RPS6KL1: variants seen among roughly 807,000 people sequenced by gnomAD.
The protein encoded by RPS6KL1 is ribosomal protein S6 kinase like 1, also known as ribosomal protein S6 kinase-like 1.
In RPS6KL1, 41 loss-of-function variants were observed where a neutral mutation model predicts 57.0. The observed-to-expected ratio is 0.72, with a 90% CI of 0.56 to 0.93. The LOEUF (loss-of-function observed/expected upper bound fraction) is 0.93. RPS6KL1 is among the 40% of genes least tolerant of loss of function. The probability of loss-of-function intolerance (pLI) is 0.00; values close to 1 mark genes in which losing one functional copy is unlikely to be tolerated. For missense variants in RPS6KL1, 697 were observed against 727.7 expected (o/e 0.96, Z 0.49); for synonymous variants, 287 against 309.7 (o/e 0.93, Z 0.77).
In RPS6KL1 at chr14:74,922,427, C is replaced by A; in HGVS notation, c.-470G>T. On this transcript the variant is annotated 5_prime_UTR_variant, in exon 2 of 12. Transcript: ENST00000557413. ...TTGGTCCTGAGGTCAGTGTGGTCAGCGAGTGAGGACCCCTCCTGGAGCCAG... is the reference window on the plus strand; with the variant it reads ...TTGGTCCTGAGGTCAGTGTGGTCAGAGAGTGAGGACCCCTCCTGGAGCCAG... 1 of 798,556 alleles carries A rather than the reference C, an allele frequency of 1.3e-6. No individual in the cohort carries two copies. The highest frequency in any genetic ancestry group is 1.5e-6 in the Non-Finnish European group (1 of 658,618). The allele number at this position is 798,556 out of a possible 1,614,324, so 49.5% of individuals were successfully genotyped here. A position where few individuals can be genotyped will look rare whatever the true frequency, so the allele number is the denominator to read the frequency against.
rs370558370 is a variant in RPS6KL1 at position 74,907,460 on chromosome 14, C to T, written c.1514G>A (p.Arg505His). 1.5e-5 allele frequency: 24 copies of T among 1,585,880 alleles called. No individual in the cohort carries two copies. The highest frequency in any genetic ancestry group is 8.1e-5 in the African/African-American group (6 of 74,454). The change falls in exon 11 of 12, where the codon CGC becomes CAC. Residue 505 changes from arginine (R) to histidine (H), a missense_variant. Coordinates refer to ENST00000557413, the MANE Select transcript of RPS6KL1 (RefSeq NM_031464.5). ...TQLQLPEWLSRPAASLLTELL... is the reference protein window; with the variant it reads ...TQLQLPEWLSHPAASLLTELL... ...CTCAGTCAGCAGAGAGGCCGCTGGG[C>T]GACTGAGCCACTCGGGCAGCTGGAG... is the stretch of plus-strand genomic sequence containing the variant.
intron 4 of RPS6KL1, 68 bp downstream of exon 4, chr14:74,919,777 G>C (rs1396029315): frequency 4.5e-6 from 7 of 1,563,004 alleles, no homozygotes; most frequent in Non-Finnish European, 6.1e-6. Flanking sequence ...GTGGGTGTCG[G>C]GGCCTCCGCA....
At position 74,906,420 on chromosome 14, in the gene RPS6KL1, G is replaced by C; in HGVS notation, c.*594C>G. 1 of 351,996 alleles carries C rather than the reference G, an allele frequency of 2.8e-6. No individual in the cohort carries two copies. The highest frequency in any genetic ancestry group is 5.8e-6 in the Non-Finnish European group (1 of 172,350). 21.8% of individuals were successfully genotyped at this position (351,996 alleles called of 1,614,324 possible). A position where few individuals can be genotyped will look rare whatever the true frequency, so the allele number is the denominator to read the frequency against. On this transcript the variant is annotated 3_prime_UTR_variant, in exon 12 of 12. Transcript: ENST00000557413. ...TCAGGAATCGGGGGTGGGGGGGTGGGGGTGGGGGTCATCCTGTCCCCTACC... is the reference window on the plus strand; with the variant it reads ...TCAGGAATCGGGGGTGGGGGGGTGGCGGTGGGGGTCATCCTGTCCCCTACC...
Position 74,921,496 on chromosome 14 carries a change from G to T in RPS6KL1, c.46C>A (p.Pro16Thr). 2 of 1,614,074 alleles carry T rather than the reference G, an allele frequency of 1.2e-6. No individual in the cohort carries two copies. Among genetic ancestry groups the T allele is most frequent in the Non-Finnish European group, 1.7e-6 (2 of 1,179,992 alleles). ...CECLPSPGLE[P>T]EPCSRARSQA... ...GACCGTGCTCGTGAGCAAGGCTCAGGCTCCAGGCCGGGGCTGGGCAGGCAC... is the reference window on the plus strand; with the variant it reads ...GACCGTGCTCGTGAGCAAGGCTCAGTCTCCAGGCCGGGGCTGGGCAGGCAC... The change falls in exon 3 of 12, where the codon CCT (proline) becomes ACT (threonine). Residue 16 changes from proline to threonine, a missense_variant. Coordinates refer to ENST00000557413, the MANE Select transcript of RPS6KL1 (RefSeq NM_031464.5).
intron 5 of RPS6KL1, among the ~76,000 whole-genome samples, chr14:74,915,938 G>A (rs548273860): frequency 1.5e-4 from 23 of 152,288 alleles, no homozygotes; most frequent in African/African-American, 4.6e-4. Context: ...GCAAATACCC[G>A]GTGATGTCTC....
In RPS6KL1 at chr14:74,911,314, T is replaced by G; in HGVS notation, c.598A>C (p.Met200Leu). Residue 200 changes from methionine to leucine, a missense_variant, in exon 7 of 12, where the codon ATG (methionine) becomes CTG (leucine). Coordinates refer to ENST00000557413, the MANE Select transcript of RPS6KL1 (RefSeq NM_031464.5). ...LTIIPHGVPY[M>L]TKLLRYFVSE... ...ACAAAGTACCTGAGCAGCTTCGTCATGTAGGGGACTCCGTGTGGGATGATG... is the reference window on the plus strand; with the variant it reads ...ACAAAGTACCTGAGCAGCTTCGTCAGGTAGGGGACTCCGTGTGGGATGATG... 1 of 1,612,376 alleles carries G rather than the reference T, an allele frequency of 6.2e-7. No individual in the cohort carries two copies.
intron 8 of RPS6KL1, 133 bp downstream of exon 8, chr14:74,909,410 A>G: frequency 8.1e-7 from 1 of 1,234,410 alleles, no homozygotes; most frequent in Non-Finnish European, 1.1e-6. Context: ...ACTCCAGCCT[A>G]GGCCCCCTGA....
At chr14:74,921,238 T>TGGCCCCCCCCCCCC in intron 3 of RPS6KL1, 39 bp downstream of exon 3, 4 of 840,172 alleles carry the variant, frequency 4.8e-6, no homozygotes, top group Admixed American at 1.8e-5. Flanking sequence ...CACTGGCCCT[T>TGGCCCCCCCCCCCC]CCCCACCCAC....
chr14:74,918,444 C>T (rs1887230089), intron 5 of RPS6KL1, 69 bp downstream of exon 5: 1 of 1,153,258 alleles, frequency 8.7e-7, no homozygotes, highest in African/African-American at 1.5e-5. Context: ...TATCATGTCT[C>T]TCTCCCCACC....
At chr14:74,909,333 C>G (rs10131976) in intron 8 of RPS6KL1, 143 bp from the exon 9 acceptor site, 1 of 994,472 alleles carries the variant, frequency 1.0e-6, no homozygotes, top group African/African-American at 1.6e-5. Flanking sequence ...ACAGCACCCT[C>G]CACAGAGGCA....
At position 74,904,411 on chromosome 14, in the gene RPS6KL1, TGAG is replaced by T. The variant is rs1283052526; in HGVS notation, c.*2600_*2602del. 3.3e-5 allele frequency: 5 copies of T among 152,164 alleles called. No individual in the cohort carries two copies. Among genetic ancestry groups the T allele is most frequent in the Admixed American group, 6.5e-5 (1 of 15,272 alleles). 9.4% of individuals were successfully genotyped at this position (152,164 alleles called of 1,614,324 possible). ...AATTCCAAAAGGGAGGGGAGTATAATGAGGAATGGCTGGCTCCCTCTTCCCACC... is the reference window on the plus strand; with the variant it reads ...AATTCCAAAAGGGAGGGGAGTATAATGAATGGCTGGCTCCCTCTTCCCACC... On this transcript the variant is annotated 3_prime_UTR_variant, in exon 12 of 12. Coordinates refer to ENST00000557413, the MANE Select transcript of RPS6KL1 (RefSeq NM_031464.5).
chr14:74,922,380 G>A lies in RPS6KL1; in HGVS notation c.-423C>T, dbSNP rs778342532. ...CACTTCTCCGTGGACCGGATGGATTGCCCCTGCTGTGTTTTGTTCCCTTGG... is the reference window on the plus strand; with the variant it reads ...CACTTCTCCGTGGACCGGATGGATTACCCCTGCTGTGTTTTGTTCCCTTGG... On this transcript the variant is annotated 5_prime_UTR_variant, in exon 2 of 12. Coordinates refer to ENST00000557413, the MANE Select transcript of RPS6KL1 (RefSeq NM_031464.5). 3.8e-5 allele frequency: 37 copies of A among 984,502 alleles called. No individual in the cohort carries two copies. The highest frequency in any genetic ancestry group is 1.0e-3 in the Middle Eastern group (2 of 1,938). The allele number at this position is 984,502 out of a possible 1,614,324, so 61.0% of individuals were successfully genotyped here. A position where few individuals can be genotyped will look rare whatever the true frequency, so the allele number is the denominator to read the frequency against.
At chr14:74,907,364 A>G in intron 11 of RPS6KL1, 71 bp downstream of exon 11, 1 of 1,523,470 alleles carries the variant, frequency 6.6e-7, no homozygotes, top group Non-Finnish European at 8.8e-7. Context: ...TGGTTCAGAC[A>G]CAGTTCTGTG....
intron 8 of RPS6KL1, 158 bp from the exon 9 acceptor site, chr14:74,909,348 A>C (rs1338692437): frequency 4.1e-6 from 4 of 972,626 alleles, no homozygotes; most frequent in Non-Finnish European, 6.2e-6. Flanking sequence ...GAGGCACAGC[A>C]CTCTGAGGCC....
rs141667195 is a variant in RPS6KL1 at position 74,909,181 on chromosome 14, C to T, written c.1280G>A (p.Arg427Gln). 53 of 1,614,106 alleles carry T rather than the reference C, an allele frequency of 3.3e-5. No individual in the cohort carries two copies. The highest frequency in any genetic ancestry group is 1.6e-4 in the South Asian group (15 of 91,084). Residue 427 changes from arginine (R) to glutamine (Q), a missense_variant, in exon 9 of 12, where the codon CGG becomes CAG. By Grantham distance (43) the Arg-to-Gln change is conservative. Transcript: ENST00000557413. ...TGACCACTGGCCAAAATATGTGAGC[C>T]GGATGTGACCTCCAGTGTGTGGGAG... ...NLLLDQAGHI[R>Q]LTYFGQWSEV...
chr14:74,907,208 C>G (rs1885047177), intron 11 of RPS6KL1, 84 bp from the exon 12 acceptor site: 3 of 1,376,202 alleles, frequency 2.2e-6, no homozygotes, highest in Middle Eastern at 2.1e-4. Flanking sequence ...ACTATGGCCT[C>G]TAGGGGGCCT....
chr14:74,918,485 C>A, intron 5 of RPS6KL1, 28 bp downstream of exon 5: 1 of 1,479,924 alleles, frequency 6.8e-7, no homozygotes, highest in Non-Finnish European at 9.1e-7. Flanking sequence ...CTGTCTCCCT[C>A]CTGCAAGGCG....
At chr14:74,910,963 C>T in intron 7 of RPS6KL1, 1 of 358,606 alleles carries the variant, frequency 2.8e-6, no homozygotes, top group South Asian at 2.3e-5. Context: ...CCTCCACCTC[C>T]CGGGTTCAAG....
rs771544462 is a variant in RPS6KL1, at chr14:74,921,384, G to A, written c.158C>T (p.Ala53Val). Residue 53 changes from alanine (A) to valine (V), a missense_variant, in exon 3 of 12, where the codon GCG (alanine) becomes GTG (valine). Coordinates refer to ENST00000557413, the MANE Select transcript of RPS6KL1 (RefSeq NM_031464.5). ...DMTKRDYLVDAATQIRLALER... is the reference protein window; with the variant it reads ...DMTKRDYLVDVATQIRLALER... ...CAGGGCCAGCCGGATCTGCGTGGCC[G>A]CATCCACCAGATAGTCACGTTTTGT... is the stretch of plus-strand genomic sequence containing the variant. The A allele has an allele frequency of 1.2e-5, 19 of 1,614,242 alleles. No individual in the cohort carries two copies. The highest frequency in any genetic ancestry group is 2.7e-5 in the African/African-American group (2 of 75,060).
Sources: gnomAD v4.1 joint callset for allele counts (sites outside exome capture counted in the v4.1 genomes callset) on GRCh38, gnomAD v4.1.1 for gene constraint, MANE v1.5 for transcripts, NCBI Gene and HGNC (gene_info 2026-07-23, HGNC 2026-07-21) for gene names.